Variants in BNIP5 observed in about 807,000 individuals in gnomAD.
The protein encoded by BNIP5 is BCL2 interacting protein 5, also known as protein BNIP5.
A neutral mutation model predicts 67.3 loss-of-function variants in BNIP5; 61 were observed. The ratio of observed to expected loss-of-function variants is 0.91; its 90% CI spans 0.74 to 1.12. BNIP5 has a LOEUF of 1.12. Ranked by LOEUF, BNIP5 falls within the 50% of genes most tolerant of loss-of-function variation. The pLI, the probability that BNIP5 is intolerant of heterozygous loss-of-function variation, is 0.00. For synonymous variants in BNIP5, 317 were observed against 319.0 expected (o/e 0.99, Z 0.07); for missense variants, 826 against 816.3 (o/e 1.01, Z -0.14).
Position 36,325,225 on chromosome 6 carries a change from G to A in BNIP5, c.1168+58C>T, listed in dbSNP as rs534110377. ...CTGGCTCAGTGTCTCTTTGCAAGTG[G>A]GGGAGTCAGAACAGAAGTTTTGCAA... is the stretch of plus-strand genomic sequence containing the variant. On this transcript the variant is annotated intron_variant, in intron 6 of 11. Transcript: ENST00000437635. 5.7e-6 allele frequency: 9 copies of A among 1,566,342 alleles called. No homozygotes were observed. The African/African-American group carries it at 8.1e-5, about 14-fold the overall frequency.
Position 36,323,464 on chromosome 6 carries a change from CT to C in BNIP5, c.1299del (p.Glu434LysfsTer76). 6.2e-7 allele frequency: 1 copy of C among 1,614,208 alleles called. No individual in the cohort carries two copies. Among genetic ancestry groups the C allele is most frequent in the Non-Finnish European group, 8.5e-7 (1 of 1,180,018 alleles). ...GCTCTCCTGAAGCTCGACCTTTTTTCTTGAGATTTCCTTCTGCAGTGTGGGG... is the reference window on the plus strand; with the variant it reads ...GCTCTCCTGAAGCTCGACCTTTTTTCTGAGATTTCCTTCTGCAGTGTGGGG... ...NPAPHCRRKS[Q>X]EKRSSFRRAF... On this transcript the variant is annotated frameshift_variant, in exon 8 of 12. Transcript: ENST00000437635. LOFTEE classifies it high-confidence loss of function.
Position 36,330,315 on chromosome 6 carries a change from T to A in BNIP5, c.376A>T (p.Lys126Ter), listed in dbSNP as rs1561886234. Residue 126 changes from lysine (K) to a stop codon, truncating the protein, a stop_gained, in exon 2 of 12, where the codon AAG (lysine) becomes TAG (stop). Coordinates refer to ENST00000437635, the MANE Select transcript of BNIP5 (RefSeq NM_001010903.5). LOFTEE classifies it high-confidence loss of function. ...REKASRRPRG[K>*]EGISQHPEPL... ...TCCGGATGCTGGGAGATACCCTCCT[T>A]CCCCCTTGGCCTCCTGCTGGCCTTT... 6.2e-7 allele frequency: 1 copy of A among 1,614,118 alleles called. No individual in the cohort carries two copies. Among genetic ancestry groups the A allele is most frequent in the Non-Finnish European group, 8.5e-7 (1 of 1,180,010 alleles).
chr6:36,324,009 A>G, intron 7 of BNIP5, 120 bp downstream of exon 7: 1 of 787,606 alleles, frequency 1.3e-6, no homozygotes, highest in Non-Finnish European at 2.1e-6. Context: ...CCAAAAAAAA[A>G]AAAAAAGGAG....
At chr6:36,323,177 C>A in intron 8 of BNIP5, 116 bp downstream of exon 8, 2 of 1,419,758 alleles carry the variant, frequency 1.4e-6, no homozygotes, top group South Asian at 1.3e-5. Context: ...ACAGTCAGGG[C>A]TTTCAGCAAC....
Position 36,330,076 on chromosome 6 carries a change from C to A in BNIP5, c.610+5G>T. 1 of 1,595,764 alleles carries A rather than the reference C, an allele frequency of 6.3e-7. No individual in the cohort carries two copies. Among genetic ancestry groups the A allele is most frequent in the Non-Finnish European group, 8.5e-7 (1 of 1,175,650 alleles). On this transcript the variant is annotated splice_donor_5th_base_variant and intron_variant, in intron 2 of 11. Transcript: ENST00000437635. ...TTGCCATAGGAACAGGCACGGTCCGCTCACCCCTGCGAGCTGGGCCCAGGT... is the reference window on the plus strand; with the variant it reads ...TTGCCATAGGAACAGGCACGGTCCGATCACCCCTGCGAGCTGGGCCCAGGT...
At chr6:36,334,638 T>A (rs766034774) in intron 1 of BNIP5, among the ~76,000 whole-genome samples, 11 of 152,176 alleles carry the variant, frequency 7.2e-5, no homozygotes, top group Non-Finnish European at 1.6e-4. Context: ...GGAAGACCCC[T>A]GAAGAACCTC....
intron 1 of BNIP5, among the ~76,000 whole-genome samples, chr6:36,334,946 C>T (rs1771980720): frequency 6.6e-6 from 1 of 152,216 alleles, no homozygotes; most frequent in African/African-American, 2.4e-5. Flanking sequence ...GGAAACCCAG[C>T]TGATCTTGTA....
chr6:36,334,146 A>T (rs1040816987), intron 1 of BNIP5, among the ~76,000 whole-genome samples: 1 of 152,234 alleles, frequency 6.6e-6, no homozygotes, highest in Non-Finnish European at 1.5e-5. Flanking sequence ...TCAGAACATT[A>T]ACACAATCCC....
At position 36,317,617 on chromosome 6, in the gene BNIP5, G is replaced by T. The variant is rs557756525; in HGVS notation, c.1924-226C>A. 1.2e-4 allele frequency among the ~76,000 whole-genome samples: 18 copies of T among 152,220 alleles called. No individual in the cohort carries two copies. In the East Asian group the frequency reaches 3.3e-3, roughly 28 times the overall value. ...AATCAGCAACTCCACCTCCTGGAAG[G>T]CTCCCAGGACCTACTTGCTTCATGG... is the stretch of plus-strand genomic sequence containing the variant. On this transcript the variant is annotated intron_variant, in intron 11 of 11. Transcript: ENST00000437635.
At chr6:36,321,653 C>T (rs956121097) in intron 9 of BNIP5, among the ~76,000 whole-genome samples, 5 of 152,182 alleles carry the variant, frequency 3.3e-5, no homozygotes, top group South Asian at 2.1e-4. Flanking sequence ...TTCTAAGCAG[C>T]GGTGTGCCAG....
intron 1 of BNIP5, among the ~76,000 whole-genome samples, chr6:36,334,185 T>G (rs1250047440): frequency 2.0e-5 from 3 of 152,212 alleles, no homozygotes; most frequent in African/African-American, 7.2e-5. Flanking sequence ...TGATGTTTTT[T>G]CAGGAAAGCT....
At chr6:36,334,315 A>AG (rs1173761890) in intron 1 of BNIP5, among the ~76,000 whole-genome samples, 2 of 152,236 alleles carry the variant, frequency 1.3e-5, no homozygotes, top group East Asian at 3.8e-4. Context: ...GCAGGCAGGA[A>AG]GGGGGCCTCT....
At chr6:36,334,793 G>A (rs1771977923) in intron 1 of BNIP5, among the ~76,000 whole-genome samples, 1 of 152,166 alleles carries the variant, frequency 6.6e-6, no homozygotes, top group Non-Finnish European at 1.5e-5. Flanking sequence ...ATCAAAGCAA[G>A]ACTTTCCTTT....
chr6:36,326,793 C>G, intron 4 of BNIP5, 40 bp from the exon 5 acceptor site: 1 of 1,610,876 alleles, frequency 6.2e-7, no homozygotes, highest in East Asian at 2.2e-5. Context: ...GTTCATGACA[C>G]TGAGAGGGGG....
At chr6:36,335,740 A>G (rs562045346) in intron 1 of BNIP5, among the ~76,000 whole-genome samples, 1 of 152,346 alleles carries the variant, frequency 6.6e-6, no homozygotes, top group South Asian at 2.1e-4. Flanking sequence ...ATGGGCTAAC[A>G]GTGGGGCACT....
rs754941610 is a variant in BNIP5 at position 36,317,412 on chromosome 6, T to C, written c.1924-21A>G. ...ATGTTCTGGGAAGAGAAAAAGAACATAGGTGTTAGCCACAGCTCAATTATT... is the reference window on the plus strand; with the variant it reads ...ATGTTCTGGGAAGAGAAAAAGAACACAGGTGTTAGCCACAGCTCAATTATT... On this transcript the variant is annotated intron_variant, in intron 11 of 11. Coordinates refer to ENST00000437635, the MANE Select transcript of BNIP5 (RefSeq NM_001010903.5). 1.9e-6 allele frequency: 3 copies of C among 1,608,920 alleles called. No homozygotes were observed. The South Asian group carries it at 3.3e-5, about 18-fold the overall frequency.
At chr6:36,335,091 G>A (rs1462595342) in intron 1 of BNIP5, among the ~76,000 whole-genome samples, 1 of 152,208 alleles carries the variant, frequency 6.6e-6, no homozygotes, top group African/African-American at 2.4e-5. Flanking sequence ...TCCAGCAACA[G>A]CAACAAAGAA....
At chr6:36,324,000 C>CAAAAA in intron 7 of BNIP5, 129 bp downstream of exon 7, 6 of 596,372 alleles carry the variant, frequency 1.0e-5, no homozygotes, top group East Asian at 2.8e-5. Flanking sequence ...ACTCCGTCTC[C>CAAAAA]AAAAAAAAAA....
At chr6:36,323,150 A>T in intron 8 of BNIP5, 143 bp downstream of exon 8, 1 of 1,198,690 alleles carries the variant, frequency 8.3e-7, no homozygotes, top group Non-Finnish European at 1.2e-6. Flanking sequence ...CCCCCACTCT[A>T]CTCAGCATGG....
Sources: gnomAD v4.1 joint callset for allele counts (sites outside exome capture counted in the v4.1 genomes callset) on GRCh38, gnomAD v4.1.1 for gene constraint, MANE v1.5 for transcripts, NCBI Gene and HGNC (gene_info 2026-07-23, HGNC 2026-07-21) for gene names.